Variants in TSHZ3 observed in about 807,000 individuals in gnomAD.
TSHZ3 encodes teashirt zinc finger homeobox 3.
Under a neutral mutation model 64.5 loss-of-function variants are expected in TSHZ3, and 10 were observed. The observed-to-expected ratio is 0.16, with a 90% CI of 0.10 to 0.26. The LOEUF is 0.26. Among genes scored for constraint, TSHZ3 ranks in the 10% least tolerant of loss-of-function variants. TSHZ3 has a pLI of 1.00. For synonymous variants in TSHZ3, 608 were observed against 593.1 expected (o/e 1.03, Z -0.36); for missense variants, 1,242 against 1,421.7 (o/e 0.87, Z 2.03).
rs146953600 is a variant in TSHZ3 at position 31,199,130 on chromosome 19, G to A, written n.809+5826C>T. Among the ~76,000 whole-genome samples, 1,018 of 152,226 alleles carry A rather than the reference G, an allele frequency of 6.7e-3. 12 individuals carry two copies. The highest frequency in any genetic ancestry group is 0.023 in the African/African-American group (958 of 41,530). Reference sequence around the variant, plus strand: ...CCTATAAGAATATAGTCAGGGCCACGCACGGTGACTCACAGCTGTAATCCC... The same window carrying A: ...CCTATAAGAATATAGTCAGGGCCACACACGGTGACTCACAGCTGTAATCCC... On this transcript the variant is annotated intron_variant and non_coding_transcript_variant, in intron 5 of 6. Coordinates refer to the TSHZ3 transcript ENST00000651361.
At chr19:31,186,796 T>C (rs1367192472) in intron 5 of TSHZ3, among the ~76,000 whole-genome samples, 5 of 152,202 alleles carry the variant, frequency 3.3e-5, no homozygotes, top group Non-Finnish European at 7.3e-5. Flanking sequence ...GGTTTTAATT[T>C]TCATCCTCCT....
intron 5 of TSHZ3, among the ~76,000 whole-genome samples, chr19:31,202,405 CT>C (rs1052083452): frequency 6.0e-4 from 91 of 150,750 alleles, no homozygotes; most frequent in African/African-American, 2.1e-3. Context: ...ATGTATATTT[CT>C]TTTTTTAAAT....
chr19:31,205,927 A>C (rs548957229), intron 4 of TSHZ3, among the ~76,000 whole-genome samples: 1 of 152,350 alleles, frequency 6.6e-6, no homozygotes, highest in South Asian at 2.1e-4. Context: ...AATTCTAGAG[A>C]TACATGGTTG....
rs1252417173 is a variant in TSHZ3 at position 31,234,556 on chromosome 19, A to G, written n.551-6416T>C. Among the ~76,000 whole-genome samples the G allele has an allele frequency of 2.0e-5, 3 of 152,174 alleles. No homozygotes were observed. In the East Asian group the frequency reaches 5.8e-4, roughly 29 times the overall value. ...GATCAGGTTGAGAAGGTTTCCTTCT[A>G]TTTGCAATTTGCTGCGTGTTTTTCA... On this transcript the variant is annotated intron_variant and non_coding_transcript_variant, in intron 3 of 6. Transcript: ENST00000651361.
rs374886025 is a variant in TSHZ3, at chr19:31,154,672, G to A, written n.871+1684C>T. 6.8e-4 allele frequency among the ~76,000 whole-genome samples: 104 copies of A among 152,332 alleles called. 1 individual carries two copies. Among genetic ancestry groups the A allele is most frequent in the African/African-American group, 2.2e-3 (93 of 41,580 alleles). ...ATCTCAGGTCAGCTCCCAGAAACAG[G>A]AGAGACCAGACTCCTATCACCGCAA... On this transcript the variant is annotated intron_variant and non_coding_transcript_variant, in intron 6 of 6. Transcript: ENST00000651361.
chr19:31,215,144 T>C lies in TSHZ3; in HGVS notation n.687-10066A>G, dbSNP rs1230282535. ...AGTCATTTAGATACCACATTCAGAA[T>C]TGTGGCGCTATATCATGTCAATACT... On this transcript the variant is annotated intron_variant and non_coding_transcript_variant, in intron 4 of 6. Coordinates refer to the TSHZ3 transcript ENST00000651361. Among the ~76,000 whole-genome samples, 5 of 152,144 alleles carry C rather than the reference T, an allele frequency of 3.3e-5. No individual in the cohort carries two copies. The South Asian group carries it at 6.2e-4, about 19-fold the overall frequency.
chr19:31,248,625 A>C (rs1975789712), intron 1 of TSHZ3, among the ~76,000 whole-genome samples: 1 of 151,612 alleles, frequency 6.6e-6, no homozygotes, highest in Non-Finnish European at 1.5e-5. Context: ...CTACCAAAAA[A>C]AAAAAAGTTT....
chr19:31,233,566 G>A (rs1039135793), intron 3 of TSHZ3, among the ~76,000 whole-genome samples: 4 of 152,064 alleles, frequency 2.6e-5, no homozygotes, highest in South Asian at 4.2e-4. Flanking sequence ...CAATGTCTTC[G>A]GCAGGGCAAG....
At chr19:31,339,738 G>A (rs1917368179) in intron 1 of TSHZ3, among the ~76,000 whole-genome samples, 1 of 151,676 alleles carries the variant, frequency 6.6e-6, no homozygotes, top group Admixed American at 6.6e-5. Flanking sequence ...AGGGCAGGGT[G>A]ATGGGAGGCC....
intron 1 of TSHZ3, among the ~76,000 whole-genome samples, chr19:31,287,367 C>T (rs955458518): frequency 9.2e-5 from 14 of 152,136 alleles, no homozygotes; most frequent in Admixed American, 8.5e-4. Flanking sequence ...CTTCTTATTA[C>T]GGATAGCCCA....
chr19:31,346,883 C>T (rs1478404414), intron 1 of TSHZ3, among the ~76,000 whole-genome samples: 3 of 150,550 alleles, frequency 2.0e-5, no homozygotes, highest in Admixed American at 1.3e-4. Context: ...ATAAGTAGCT[C>T]TTCAGTCCGC....
chr19:31,179,185 A>G (rs1050519159), intron 5 of TSHZ3, among the ~76,000 whole-genome samples: 9 of 151,898 alleles, frequency 5.9e-5, no homozygotes, highest in African/African-American at 2.2e-4. Flanking sequence ...AAGATAAAAC[A>G]CTCCAGGGCT....
chr19:31,350,459 G>C (rs1185078428), upstream of TSHZ3, among the ~76,000 whole-genome samples: 5 of 151,582 alleles, frequency 3.3e-5, no homozygotes, highest in African/African-American at 7.3e-5. Flanking sequence ...TCCACGGCGC[G>C]GGCCGATCCT....
At position 31,349,282 on chromosome 19, in the gene TSHZ3, G is replaced by T. The variant is rs548731126; in HGVS notation, c.-63C>A. 2.4e-3 allele frequency: 3,232 copies of T among 1,338,114 alleles called. 5 individuals carry two copies. The highest frequency in any genetic ancestry group is 2.8e-3 in the Non-Finnish European group (2,965 of 1,054,222). The allele number at this position is 1,338,114 out of a possible 1,614,324, so 82.9% of individuals were successfully genotyped here. A position where few individuals can be genotyped will look rare whatever the true frequency, so the allele number is the denominator to read the frequency against. On this transcript the variant is annotated 5_prime_UTR_variant, in exon 1 of 2. Coordinates refer to ENST00000240587, the MANE Select transcript of TSHZ3 (RefSeq NM_020856.4). ...CCGCTGCCGGGCTGAGGACAGGGAG[G>T]GAGGGGGCGGCGGGCCCGCGGGGGG...
In TSHZ3 at chr19:31,349,177, T is replaced by C; in HGVS notation, c.40+3A>G. ...AGCAGAAGGAAGGGGAAGCGGCTCG[T>C]ACCTGCTGCGCGCCGGGGCGCCTGC... On this transcript the variant is annotated splice_donor_region_variant and intron_variant, in intron 1 of 1. Coordinates refer to ENST00000240587, the MANE Select transcript of TSHZ3 (RefSeq NM_020856.4). 6.5e-7 allele frequency: 1 copy of C among 1,541,466 alleles called. No homozygotes were observed. Among genetic ancestry groups the C allele is most frequent in the Non-Finnish European group, 8.7e-7 (1 of 1,144,210 alleles).
intron 4 of TSHZ3, among the ~76,000 whole-genome samples, chr19:31,218,818 T>C (rs1476831880): frequency 6.6e-6 from 1 of 152,252 alleles, no homozygotes; most frequent in Non-Finnish European, 1.5e-5. Flanking sequence ...GGCTACATGC[T>C]GTATGATTCT....
At chr19:31,170,561 C>G (rs1974523135) in intron 5 of TSHZ3, among the ~76,000 whole-genome samples, 1 of 152,160 alleles carries the variant, frequency 6.6e-6, no homozygotes, top group Non-Finnish European at 1.5e-5. Context: ...GCTCTTGGGT[C>G]CTGTGGTCCA....
At chr19:31,230,294 A>G (rs959693441) in intron 3 of TSHZ3, among the ~76,000 whole-genome samples, 1 of 152,158 alleles carries the variant, frequency 6.6e-6, no homozygotes, top group Non-Finnish European at 1.5e-5. Flanking sequence ...CCATCTGTAC[A>G]TTTCATTTTT....
At chr19:31,170,247 G>A (rs1001678113) in intron 5 of TSHZ3, among the ~76,000 whole-genome samples, 1 of 152,174 alleles carries the variant, frequency 6.6e-6, no homozygotes, top group African/African-American at 2.4e-5. Context: ...TTCCTGACTT[G>A]CAGACAAGCA....
Sources: gnomAD v4.1 joint callset for allele counts (sites outside exome capture counted in the v4.1 genomes callset) on GRCh38, gnomAD v4.1.1 for gene constraint, MANE v1.5 for transcripts, NCBI Gene and HGNC (gene_info 2026-07-23, HGNC 2026-07-21) for gene names.